The following CDKN1C variants were observed in gnomAD, a reference collection of about 807,000 sequenced individuals.
CDKN1C encodes cyclin dependent kinase inhibitor 1C.
Under a neutral mutation model 16.5 loss-of-function variants are expected in CDKN1C, and 7 were observed. The ratio of observed to expected loss-of-function variants is 0.42; its 90% CI spans 0.24 to 0.80. CDKN1C has a LOEUF of 0.80. CDKN1C is among the 30% of genes least tolerant of loss of function. The pLI is 0.26. For missense variants in CDKN1C, 429 were observed against 437.3 expected, an observed-to-expected ratio of 0.98 and a Z score of 0.17; for synonymous variants, 288 against 214.4, an observed-to-expected ratio of 1.34 and a Z score of -3.00.
In CDKN1C at chr11:2,884,745, G is replaced by A. The variant is rs878853641; in HGVS notation, c.712C>T (p.Arg238Cys). ...GCGGCCGCGGTGCCGGCCGCGGGAC[G>A]TCCCGAAATCCCCGAGTGCAGCTGG... ...ADQLHSGISG[R>C]PAAGTAAASA... The change falls in exon 2 of 4, where the codon CGT becomes TGT. Residue 238 changes from arginine to cysteine, a missense_variant. Arg to Cys is a radical substitution (Grantham distance 180). Coordinates refer to ENST00000440480, the MANE Select transcript of CDKN1C (RefSeq NM_001122630.2). The A allele has an allele frequency of 2.6e-6, 4 of 1,509,914 alleles. No individual in the cohort carries two copies. The Admixed American group carries it at 5.9e-5, about 22-fold the overall frequency. 93.5% of individuals were successfully genotyped at this position (1,509,914 alleles called of 1,614,324 possible).
Position 2,883,859 on chromosome 11 carries a change from C to A in CDKN1C, c.*62G>T. On this transcript the variant is annotated 3_prime_UTR_variant, in exon 4 of 4. Coordinates refer to ENST00000440480, the MANE Select transcript of CDKN1C (RefSeq NM_001122630.2). ...ATGAACGGTCCCAGCCGAGGCCCAGCGCCCTTCCAACGTCCGCTGCCCCGG... is the reference window on the plus strand; with the variant it reads ...ATGAACGGTCCCAGCCGAGGCCCAGAGCCCTTCCAACGTCCGCTGCCCCGG... 2 of 1,552,710 alleles carry A rather than the reference C, an allele frequency of 1.3e-6. No individual in the cohort carries two copies. Among genetic ancestry groups the A allele is most frequent in the South Asian group, 1.2e-5 (1 of 84,786 alleles).
rs1246853988 is a variant in CDKN1C, at chr11:2,885,761, G to A, written c.-138C>T. ...CTGGCCGGCACCCCTCGAGCACAGC[G>A]CACTTGGCCTGTGGAACGCCCAGCC... On this transcript the variant is annotated 5_prime_UTR_variant, in exon 1 of 4. Transcript: ENST00000440480. 1.1e-5 allele frequency: 6 copies of A among 556,680 alleles called. No individual in the cohort carries two copies. The highest frequency in any genetic ancestry group is 3.3e-5 in the Admixed American group (1 of 30,332). 34.5% of individuals were successfully genotyped at this position (556,680 alleles called of 1,614,324 possible). A position where few individuals can be genotyped will look rare whatever the true frequency, so the allele number is the denominator to read the frequency against.
At position 2,885,083 on chromosome 11, in the gene CDKN1C, A is replaced by G; in HGVS notation, c.374T>C (p.Leu125Pro). Residue 125 changes from leucine to proline, a missense_variant, in exon 2 of 4, where the codon CTG becomes CCG. Coordinates refer to ENST00000440480, the MANE Select transcript of CDKN1C (RefSeq NM_001122630.2). ...LDGLEEAPEQ[L>P]PSVPVPAPAS... Reference sequence around the variant, plus strand: ...CGGGGCCGGGACCGGGACACTAGGCAGCTGCTCCGGCGCCTCCTCGAGGCC... The same window carrying G: ...CGGGGCCGGGACCGGGACACTAGGCGGCTGCTCCGGCGCCTCCTCGAGGCC... 7.1e-7 allele frequency: 1 copy of G among 1,408,384 alleles called. No individual in the cohort carries two copies. Among genetic ancestry groups the G allele is most frequent in the Non-Finnish European group, 9.1e-7 (1 of 1,093,046 alleles). 87.2% of individuals were successfully genotyped at this position (1,408,384 alleles called of 1,614,324 possible).
chr11:2,884,590 G>A, intron 2 of CDKN1C, 80 bp downstream of exon 2: 22 of 865,038 alleles, frequency 2.5e-5, no homozygotes, highest in Non-Finnish European at 3.3e-5. Flanking sequence ...AACCCAGCGA[G>A]GCCCCCGAGG....
Position 2,885,680 on chromosome 11 carries a change from G to C in CDKN1C, c.-57C>G, listed in dbSNP as rs1371486169. The C allele has an allele frequency of 5.9e-6, 4 of 682,228 alleles. No individual in the cohort carries two copies. The East Asian group carries it at 8.2e-5, about 14-fold the overall frequency. 42.3% of individuals were successfully genotyped at this position (682,228 alleles called of 1,614,324 possible). The stretch of plus-strand genomic sequence containing the variant: ...CTTCTGCGTCGGGTTCGCCTGTCTC[G>C]TCCGGACGGCAGCCGCGCCCCCTCG... On this transcript the variant is annotated 5_prime_UTR_variant, in exon 1 of 4. Transcript: ENST00000440480.
At chr11:2,885,522 G>C in intron 1 of CDKN1C, 56 bp from the exon 2 acceptor site, 1 of 1,538,228 alleles carries the variant, frequency 6.5e-7, no homozygotes, top group Non-Finnish European at 8.7e-7. Flanking sequence ...GGCAGCGAGA[G>C]AGGAGAGGAC....
chr11:2,885,482 TC>T lies in CDKN1C; in HGVS notation c.-10-17del. 1.3e-6 allele frequency: 2 copies of T among 1,543,294 alleles called. No individual in the cohort carries two copies. The highest frequency in any genetic ancestry group is 2.4e-5 in the South Asian group (2 of 84,068). ...CGTGGATGTGCTGCGGAGGGACGCG[TC>T]GGACATGGCCCGGGGCTGCGCAAAC... On this transcript the variant is annotated splice_polypyrimidine_tract_variant and intron_variant, in intron 1 of 3. Transcript: ENST00000440480.
chr11:2,883,682 A>T lies in CDKN1C; in HGVS notation c.*239T>A. 1 of 842,322 alleles carries T rather than the reference A, an allele frequency of 1.2e-6. No individual in the cohort carries two copies. The highest frequency in any genetic ancestry group is 1.8e-5 in the African/African-American group (1 of 56,020). The allele number at this position is 842,322 out of a possible 1,614,324, so 52.2% of individuals were successfully genotyped here. A position where few individuals can be genotyped will look rare whatever the true frequency, so the allele number is the denominator to read the frequency against. On this transcript the variant is annotated 3_prime_UTR_variant, in exon 4 of 4. Coordinates refer to ENST00000440480, the MANE Select transcript of CDKN1C (RefSeq NM_001122630.2). Reference sequence around the variant, plus strand: ...AGAGATTAAACATTTTATATAAATGACTCTTAAAGCTTTACACCTTGGGAC... The same window carrying T: ...AGAGATTAAACATTTTATATAAATGTCTCTTAAAGCTTTACACCTTGGGAC...
chr11:2,884,958 GGACCGC>G lies in CDKN1C; in HGVS notation c.493_498del (p.Ala165_Val166del), dbSNP rs889984547. ...GGAGCCGGGGCCGGGGCCGGGGCCA[GGACCGC>G]GACCGCGACCGGAGCCGCGACCGGA... On this transcript the variant is annotated inframe_deletion, in exon 2 of 4. Transcript: ENST00000440480. 19 of 1,051,706 alleles carry G rather than the reference GGACCGC, an allele frequency of 1.8e-5. No homozygotes were observed. Among genetic ancestry groups the G allele is most frequent in the East Asian group, 1.2e-4 (3 of 25,462 alleles). 65.1% of individuals were successfully genotyped at this position (1,051,706 alleles called of 1,614,324 possible).
In CDKN1C at chr11:2,885,138, G is replaced by C. The variant is rs772684721; in HGVS notation, c.319C>G (p.Pro107Ala). 3.3e-5 allele frequency: 50 copies of C among 1,497,832 alleles called. No homozygotes were observed. In the African/African-American group the frequency reaches 6.7e-4, roughly 20 times the overall value. The allele number at this position is 1,497,832 out of a possible 1,614,324, so 92.8% of individuals were successfully genotyped here. Reference protein sequence around the residue: ...PVAVAVAVSPPLEPAAESLDG... With the variant: ...PVAVAVAVSPALEPAAESLDG... ...AGGGACTCAGCGGCCGGCTCGAGGGGCGGGCTGACAGCCACCGCGACCGCG... is the reference window on the plus strand; with the variant it reads ...AGGGACTCAGCGGCCGGCTCGAGGGCCGGGCTGACAGCCACCGCGACCGCG... Residue 107 changes from proline to alanine, a missense_variant, in exon 2 of 4, where the codon CCC (proline) becomes GCC (alanine). By Grantham distance (27) the Pro-to-Ala change is conservative. Coordinates refer to ENST00000440480, the MANE Select transcript of CDKN1C (RefSeq NM_001122630.2).
rs1172482129 is a variant in CDKN1C at position 2,883,612 on chromosome 11, TTCC to T, written c.*306_*308del. 4 of 572,718 alleles carry T rather than the reference TTCC, an allele frequency of 7.0e-6. No individual in the cohort carries two copies. In the South Asian group the frequency reaches 1.5e-4, roughly 22 times the overall value. 35.5% of individuals were successfully genotyped at this position (572,718 alleles called of 1,614,324 possible). ...CAAATATACATGGTTTTTTTATTTT[TTCC>T]TTTTTTTTTTCTTTTTTCTTTTTTT... On this transcript the variant is annotated 3_prime_UTR_variant, in exon 4 of 4. Transcript: ENST00000440480.
At position 2,885,442 on chromosome 11, in the gene CDKN1C, G is replaced by C. The variant is rs1172216105; in HGVS notation, c.15C>G (p.Val5=). 6.5e-7 allele frequency: 1 copy of C among 1,547,238 alleles called. No homozygotes were observed. Among genetic ancestry groups the C allele is most frequent in the African/African-American group, 1.4e-5 (1 of 73,130 alleles). ...CTAGTACTGGGAAGGTCCCACGGGC[G>C]ACAAGACGCTCCATCGTGGATGTGC... MERL[V]ARGTFPVLVR... The change falls in exon 2 of 4, where the codon GTC becomes GTG. Residue 5 remains valine (V), a synonymous_variant. Transcript: ENST00000440480.
chr11:2,885,495 G>A (rs773741430), intron 1 of CDKN1C, 29 bp from the exon 2 acceptor site: 49 of 1,541,668 alleles, frequency 3.2e-5, no homozygotes, highest in Middle Eastern at 1.7e-4. Flanking sequence ...GACATGGCCC[G>A]GGGCTGCGCA....
rs904430375 is a variant in CDKN1C at position 2,885,151 on chromosome 11, C to T, written c.306G>A (p.Val102=). The T allele has an allele frequency of 2.0e-6, 3 of 1,521,400 alleles. No individual in the cohort carries two copies. Among genetic ancestry groups the T allele is most frequent in the Non-Finnish European group, 2.6e-6 (3 of 1,140,738 alleles). 94.2% of individuals were successfully genotyped at this position (1,521,400 alleles called of 1,614,324 possible). Residue 102 remains valine, a synonymous_variant, in exon 2 of 4, where the codon GTG becomes GTA. Transcript: ENST00000440480. ...CCGGCTCGAGGGGCGGGCTGACAGC[C>T]ACCGCGACCGCGACGGGCCGCGGCG... ...LLAPRPVAVA[V]AVSPPLEPAA...
At chr11:2,884,587 C>A (rs1290159655) in intron 2 of CDKN1C, 83 bp downstream of exon 2, 2 of 844,152 alleles carry the variant, frequency 2.4e-6, no homozygotes, top group African/African-American at 1.8e-5. Flanking sequence ...GGGAACCCAG[C>A]GAGGCCCCCG....
chr11:2,883,872 TCCGCTGCCCCGG>T lies in CDKN1C; in HGVS notation c.*37_*48del. 6.4e-7 allele frequency: 1 copy of T among 1,560,480 alleles called. No individual in the cohort carries two copies. The highest frequency in any genetic ancestry group is 8.7e-7 in the Non-Finnish European group (1 of 1,152,698). Reference sequence around the variant, plus strand: ...GCCGAGGCCCAGCGCCCTTCCAACGTCCGCTGCCCCGGCAGGTTCCCTCGGGGCTCTTTGGGC... The same window carrying T: ...GCCGAGGCCCAGCGCCCTTCCAACGTCAGGTTCCCTCGGGGCTCTTTGGGC... On this transcript the variant is annotated 3_prime_UTR_variant, in exon 4 of 4. Coordinates refer to ENST00000440480, the MANE Select transcript of CDKN1C (RefSeq NM_001122630.2).
intron 1 of CDKN1C, 62 bp downstream of exon 1, chr11:2,885,572 G>A (rs1210311603): frequency 6.0e-6 from 9 of 1,505,140 alleles, no homozygotes; most frequent in Non-Finnish European, 8.0e-6. Flanking sequence ...GAGGGCGGAG[G>A]CCGGGCGCAA....
chr11:2,884,170 G>C, intron 2 of CDKN1C, 36 bp from the exon 3 acceptor site: 1 of 1,353,126 alleles, frequency 7.4e-7, no homozygotes, highest in Non-Finnish European at 9.6e-7. Context: ...GTCAGGGCGG[G>C]GCCGGCCCGG....
In CDKN1C at chr11:2,883,342, AAG is replaced by A. The variant is rs1848843756; in HGVS notation, c.*577_*578del. On this transcript the variant is annotated 3_prime_UTR_variant, in exon 4 of 4. Coordinates refer to ENST00000440480, the MANE Select transcript of CDKN1C (RefSeq NM_001122630.2). ...AGTTTCAGATAAACACAGTCATAAT[AAG>A]AGAGACAGCGAAAGCGCGAAGAGAC... The A allele has an allele frequency of 6.5e-6, 1 of 153,256 alleles. No individual in the cohort carries two copies. Among genetic ancestry groups the A allele is most frequent in the African/African-American group, 2.4e-5 (1 of 41,478 alleles). 9.5% of individuals were successfully genotyped at this position (153,256 alleles called of 1,614,324 possible). A position where few individuals can be genotyped will look rare whatever the true frequency, so the allele number is the denominator to read the frequency against.
Sources: allele counts gnomAD v4.1 joint callset, GRCh38; gene constraint gnomAD v4.1.1; transcripts MANE v1.5; gene names NCBI Gene and HGNC (gene_info 2026-07-23, HGNC 2026-07-21).